Variants in DPP10 observed in about 807,000 individuals in gnomAD.
DPP10 encodes dipeptidyl peptidase like 10, also known as inactive dipeptidyl peptidase 10.
A neutral mutation model predicts 120.9 loss-of-function variants in DPP10; 33 were observed. The ratio of observed to expected loss-of-function variants is 0.27; its 90% CI spans 0.21 to 0.37. DPP10 has a LOEUF of 0.37. Among genes scored for constraint, DPP10 ranks in the 10% least tolerant of loss-of-function variants. The pLI, the probability that DPP10 is intolerant of heterozygous loss-of-function variation, is 1.00. For synonymous variants in DPP10, 337 were observed against 326.1 expected (o/e 1.03, Z -0.36); for missense variants, 816 against 942.8 (o/e 0.87, Z 1.76).
rs963077512 is a variant in DPP10, at chr2:115,403,486, G to A, written c.271+59574G>A. On this transcript the variant is annotated intron_variant, in intron 3 of 25. Coordinates refer to ENST00000410059, the MANE Select transcript of DPP10 (RefSeq NM_020868.6). The stretch of plus-strand genomic sequence containing the variant: ...ATAATCTCAGCTTACTGCAACCTCC[G>A]CCTCCCAGGTTCCAGCGATTCTCCT... Among the ~76,000 whole-genome samples, 11 of 133,408 alleles carry A rather than the reference G, an allele frequency of 8.2e-5. No individual in the cohort carries two copies. The South Asian group carries it at 1.5e-3, about 19-fold the overall frequency. 87.5% of individuals were successfully genotyped at this position (133,408 alleles called of 152,430 possible).
intron 4 of DPP10, among the ~76,000 whole-genome samples, chr2:115,500,471 A>G: frequency 6.6e-6 from 1 of 151,982 alleles, no homozygotes; most frequent in South Asian, 2.1e-4. Context: ...TTTAAAATAA[A>G]CGTTTAATCT....
intron 3 of DPP10, among the ~76,000 whole-genome samples, chr2:115,470,752 C>T (rs1434710133): frequency 6.6e-6 from 1 of 152,048 alleles, no homozygotes. Flanking sequence ...CCCCTTCTCC[C>T]CCAGTCTCAG....
At chr2:114,743,929 T>C (rs987475616) in intron 1 of DPP10, among the ~76,000 whole-genome samples, 1 of 152,132 alleles carries the variant, frequency 6.6e-6, no homozygotes, top group African/African-American at 2.4e-5. Flanking sequence ...AGTTTGCTAA[T>C]AAGCAACTTT....
At chr2:115,766,286 A>ATGTGTG (rs34673352) in intron 12 of DPP10, among the ~76,000 whole-genome samples, 4,695 of 69,316 alleles carry the variant, frequency 0.068, 227 homozygotes, top group Non-Finnish European at 0.088. Flanking sequence ...CATTATATAT[A>ATGTGTG]TGTGTGTGTG....
At chr2:115,548,240 G>A (rs911726692) in intron 5 of DPP10, among the ~76,000 whole-genome samples, 2 of 152,064 alleles carry the variant, frequency 1.3e-5, no homozygotes, top group Admixed American at 6.6e-5. Context: ...TCATTTAAGC[G>A]AGTTTTCTCC....
intron 1 of DPP10, among the ~76,000 whole-genome samples, chr2:114,499,353 C>A (rs569611331): frequency 3.5e-4 from 53 of 152,220 alleles, no homozygotes; most frequent in Admixed American, 5.9e-4. Flanking sequence ...CATTTTTCTC[C>A]CTTCCTCTCC....
intron 3 of DPP10, among the ~76,000 whole-genome samples, chr2:115,442,478 T>A (rs75368791): frequency 0.029 from 4,414 of 152,180 alleles, 225 homozygotes; most frequent in African/African-American, 0.1. Flanking sequence ...AAGAAGATTT[T>A]ATTAACAGTA....
chr2:115,502,911 C>A (rs1187118602), intron 4 of DPP10, among the ~76,000 whole-genome samples: 1 of 151,838 alleles, frequency 6.6e-6, no homozygotes, highest in African/African-American at 2.4e-5. Context: ...ACTATGTTGC[C>A]CAGGTTCATC....
At chr2:115,591,770 A>C (rs540422556) in intron 5 of DPP10, among the ~76,000 whole-genome samples, 1 of 152,310 alleles carries the variant, frequency 6.6e-6, no homozygotes, top group South Asian at 2.1e-4. Flanking sequence ...CACGATATTA[A>C]TTCTTCCTAT....
intron 1 of DPP10, among the ~76,000 whole-genome samples, chr2:115,011,557 A>G (rs1288711179): frequency 1.3e-5 from 2 of 152,164 alleles, no homozygotes; most frequent in African/African-American, 4.8e-5. Context: ...GATAGCCCAC[A>G]CAGCTTTTTG....
At chr2:115,800,282 G>C in intron 19 of DPP10, among the ~76,000 whole-genome samples, 1 of 151,360 alleles carries the variant, frequency 6.6e-6, no homozygotes, top group Admixed American at 6.6e-5. Flanking sequence ...TGATGGGGTT[G>C]TTTGTTTTTT....
chr2:114,801,256 CTG>C (rs1235750777), intron 1 of DPP10, among the ~76,000 whole-genome samples: 14 of 100,260 alleles, frequency 1.4e-4, no homozygotes, highest in African/African-American at 6.3e-4. Context: ...GAACGAGACT[CTG>C]TATCAAAAAA....
intron 1 of DPP10, among the ~76,000 whole-genome samples, chr2:114,671,607 G>A (rs1249386119): frequency 6.6e-6 from 1 of 152,036 alleles, no homozygotes; most frequent in African/African-American, 2.4e-5. Context: ...ATATCATGGT[G>A]CCAAGCATCC....
chr2:115,353,973 G>A (rs2064200232), intron 3 of DPP10, among the ~76,000 whole-genome samples: 1 of 151,972 alleles, frequency 6.6e-6, no homozygotes. Flanking sequence ...ATAAGAATAA[G>A]GAAAGATTTT....
chr2:114,878,898 A>T (rs1053580872), intron 1 of DPP10, among the ~76,000 whole-genome samples: 2 of 152,124 alleles, frequency 1.3e-5, no homozygotes, highest in Non-Finnish European at 1.5e-5. Context: ...TAAACATGGG[A>T]TTGCAGATTA....
chr2:114,873,685 G>A (rs1558830829), intron 1 of DPP10, among the ~76,000 whole-genome samples: 1 of 140,480 alleles, frequency 7.1e-6, no homozygotes, highest in Non-Finnish European at 1.5e-5. Flanking sequence ...AAAAACGTCA[G>A]CAGAACTTAA....
intron 15 of DPP10, among the ~76,000 whole-genome samples, chr2:115,779,656 A>G (rs953256982): frequency 1.3e-5 from 2 of 152,082 alleles, no homozygotes; most frequent in African/African-American, 4.8e-5. Flanking sequence ...CAACTGGGAT[A>G]CTTTCTAAGC....
At chr2:115,434,000 G>T (rs1399831969) in intron 3 of DPP10, among the ~76,000 whole-genome samples, 2 of 151,818 alleles carry the variant, frequency 1.3e-5, no homozygotes, top group African/African-American at 4.8e-5. Flanking sequence ...GTACACTGTG[G>T]ATTGCTTTAT....
chr2:115,002,131 T>C (rs1482617573), intron 1 of DPP10, among the ~76,000 whole-genome samples: 4 of 152,114 alleles, frequency 2.6e-5, no homozygotes, highest in Admixed American at 1.3e-4. Flanking sequence ...CTTCAAACTA[T>C]ACTACAATGG....
Sources: allele counts gnomAD v4.1 joint callset (sites outside exome capture counted in the v4.1 genomes callset), GRCh38; gene constraint gnomAD v4.1.1; transcripts MANE v1.5; gene names NCBI Gene and HGNC (gene_info 2026-07-23, HGNC 2026-07-21).